Variants in LPAR3 observed in about 807,000 individuals in gnomAD.
LPAR3 encodes lysophosphatidic acid receptor 3.
LPAR3 carries 7 observed loss-of-function variants against 17.8 expected under a neutral mutation model. That is an observed-to-expected ratio of 0.39 (90% confidence interval 0.22 to 0.74). The LOEUF (loss-of-function observed/expected upper bound fraction) is 0.74, where lower values mean the gene tolerates loss of function less well. Ranked by LOEUF, LPAR3 falls within the 30% of genes least tolerant of loss-of-function variation. The pLI is 0.40. For missense variants in LPAR3, 391 were observed against 453.4 expected (o/e 0.86, Z 1.25); for synonymous variants, 179 against 179.9 (o/e 0.99, Z 0.04).
intron 1 of LPAR3, among the ~76,000 whole-genome samples, chr1:84,878,491 T>G (rs1219704716): frequency 6.6e-6 from 1 of 152,122 alleles, no homozygotes; most frequent in Non-Finnish European, 1.5e-5. Context: ...CCCAAATAAT[T>G]ACCACAAGCC....
chr1:84,846,951 C>G (rs1200688270), intron 2 of LPAR3, among the ~76,000 whole-genome samples: 1 of 152,090 alleles, frequency 6.6e-6, no homozygotes, highest in Non-Finnish European at 1.5e-5. Flanking sequence ...GTTTATTCTC[C>G]TAGAAATGGG....
chr1:84,851,720 T>C (rs918305162), intron 2 of LPAR3, among the ~76,000 whole-genome samples: 6 of 152,166 alleles, frequency 3.9e-5, no homozygotes, highest in Non-Finnish European at 8.8e-5. Context: ...TCACTGCACA[T>C]GTGCAGGACA....
At chr1:84,814,648 T>C (rs1343332052) in intron 2 of LPAR3, among the ~76,000 whole-genome samples, 1 of 152,244 alleles carries the variant, frequency 6.6e-6, no homozygotes, top group Non-Finnish European at 1.5e-5. Flanking sequence ...ATTTTCTAAA[T>C]GTGCTCTTGA....
intron 1 of LPAR3, among the ~76,000 whole-genome samples, chr1:84,877,608 G>A (rs1660282916): frequency 6.6e-6 from 1 of 152,098 alleles, no homozygotes; most frequent in African/African-American, 2.4e-5. Flanking sequence ...AAGATCAGAG[G>A]CAATCCTCAA....
intron 2 of LPAR3, among the ~76,000 whole-genome samples, chr1:84,832,928 T>C (rs1659316671): frequency 6.6e-6 from 1 of 152,252 alleles, no homozygotes; most frequent in Non-Finnish European, 1.5e-5. Context: ...ACTATTTTAG[T>C]AGTCAAATGA....
intron 2 of LPAR3, among the ~76,000 whole-genome samples, chr1:84,838,313 G>T (rs1189397688): frequency 1.3e-5 from 2 of 152,152 alleles, no homozygotes; most frequent in African/African-American, 4.8e-5. Context: ...TTCTTTCACA[G>T]ATCACCCTCT....
At chr1:84,888,891 G>C (rs1046300108) in intron 1 of LPAR3, among the ~76,000 whole-genome samples, 42 of 152,268 alleles carry the variant, frequency 2.8e-4, no homozygotes, top group African/African-American at 9.6e-4. Context: ...AGTAATTAGA[G>C]GGGTTGATGA....
intron 1 of LPAR3, among the ~76,000 whole-genome samples, chr1:84,869,258 C>G (rs1660111560): frequency 1.3e-5 from 2 of 152,134 alleles, no homozygotes; most frequent in Admixed American, 1.3e-4. Context: ...AAAACCAAAA[C>G]AGTTTAAGAC....
chr1:84,882,313 T>C (rs993172708), intron 1 of LPAR3, among the ~76,000 whole-genome samples: 2 of 152,116 alleles, frequency 1.3e-5, no homozygotes, highest in Admixed American at 6.5e-5. Context: ...CTGAAAACTA[T>C]AAAACACTGA....
At chr1:84,844,796 A>G (rs1209614330) in intron 2 of LPAR3, among the ~76,000 whole-genome samples, 1 of 152,168 alleles carries the variant, frequency 6.6e-6, no homozygotes, top group African/African-American at 2.4e-5. Context: ...AGTACTATAC[A>G]CACATACAAC....
chr1:84,865,656 G>A lies in LPAR3; in HGVS notation c.465C>T (p.Ile155=), dbSNP rs565409119. Reference sequence around the variant, plus strand: ...TGGGGACCGCCCCCATAAAAATGGCGATGGCCCAGACAAGCAAAATGAGCA... The same window carrying A: ...TGGGGACCGCCCCCATAAAAATGGCAATGGCCCAGACAAGCAAAATGAGCA... ...VTLLILLVWA[I]AIFMGAVPTL... is the part of the protein sequence containing the mutation. The change falls in exon 2 of 3, where the codon ATC becomes ATT. Residue 155 remains isoleucine, a synonymous_variant. Transcript: ENST00000370611. 7.9e-5 allele frequency: 127 copies of A among 1,614,134 alleles called. No homozygotes were observed. The highest frequency in any genetic ancestry group is 1.2e-4 in the Admixed American group (7 of 60,028).
intron 1 of LPAR3, among the ~76,000 whole-genome samples, chr1:84,884,925 T>C (rs1660430085): frequency 6.6e-6 from 1 of 152,230 alleles, no homozygotes; most frequent in African/African-American, 2.4e-5. Context: ...TAACCTTTTA[T>C]TCCTCTCATC....
intron 2 of LPAR3, among the ~76,000 whole-genome samples, chr1:84,836,876 AT>A (rs1659415318): frequency 6.6e-6 from 1 of 152,204 alleles, no homozygotes; most frequent in South Asian, 2.1e-4. Context: ...GATACATTGA[AT>A]TGTACACATT....
chr1:84,886,376 A>T (rs1244365265), intron 1 of LPAR3, among the ~76,000 whole-genome samples: 1 of 152,138 alleles, frequency 6.6e-6, no homozygotes, highest in Non-Finnish European at 1.5e-5. Flanking sequence ...TATTTTTTAA[A>T]TTAGCCGGGA....
At chr1:84,835,661 T>C (rs1454800735) in intron 2 of LPAR3, among the ~76,000 whole-genome samples, 1 of 152,164 alleles carries the variant, frequency 6.6e-6, no homozygotes, top group East Asian at 1.9e-4. Context: ...CTTCTACAAG[T>C]CCAATATTAC....
intron 1 of LPAR3, among the ~76,000 whole-genome samples, chr1:84,875,255 A>G (rs1403201355): frequency 6.6e-6 from 1 of 152,218 alleles, no homozygotes; most frequent in Non-Finnish European, 1.5e-5. Flanking sequence ...TATTCTTCTT[A>G]TACAAAGTAC....
At chr1:84,817,261 T>TCACACACA (rs71097861) in intron 2 of LPAR3, among the ~76,000 whole-genome samples, 2,564 of 147,494 alleles carry the variant, frequency 0.017, 39 homozygotes, top group African/African-American at 0.028. Flanking sequence ...CCAGGATCTA[T>TCACACACA]CACACACACA....
chr1:84,813,919 C>A lies in LPAR3; in HGVS notation c.989G>T (p.Arg330Met). 6.2e-7 allele frequency: 1 copy of A among 1,614,184 alleles called. No individual in the cohort carries two copies. The highest frequency in any genetic ancestry group is 8.5e-7 in the Non-Finnish European group (1 of 1,180,016). The change falls in exon 3 of 3, where the codon AGG becomes ATG. Residue 330 changes from arginine to methionine, a missense_variant. Arg to Met is a moderately conservative substitution (Grantham distance 91). Transcript: ENST00000370611. ...PSRIPSTVLS[R>M]SDTGSQYIED... Reference sequence around the variant, plus strand: ...TATGTACTGGCTGCCTGTGTCACTCCTGCTGAGGACTGTGGAGGGGATGCG... The same window carrying A: ...TATGTACTGGCTGCCTGTGTCACTCATGCTGAGGACTGTGGAGGGGATGCG...
At chr1:84,871,823 C>T (rs1159955646) in intron 1 of LPAR3, among the ~76,000 whole-genome samples, 1 of 152,170 alleles carries the variant, frequency 6.6e-6, no homozygotes, top group Non-Finnish European at 1.5e-5. Context: ...CCCCAAGATA[C>T]CCAGGGGGCT....
Sources: gnomAD v4.1 joint callset for allele counts (sites outside exome capture counted in the v4.1 genomes callset) on GRCh38, gnomAD v4.1.1 for gene constraint, MANE v1.5 for transcripts, NCBI Gene and HGNC (gene_info 2026-07-23, HGNC 2026-07-21) for gene names.